The following IL15 variants were observed in gnomAD, a reference collection of about 807,000 sequenced individuals.
IL15 encodes the protein interleukin-15.
A neutral mutation model predicts 19.6 loss-of-function variants in IL15; 11 were observed. The observed-to-expected ratio is 0.56, with a 90% confidence interval of 0.35 to 0.93. The LOEUF is 0.93. IL15 is among the 40% of genes least tolerant of loss of function. The pLI is 0.01. For missense variants in IL15, 197 were observed against 186.5 expected, an observed-to-expected ratio of 1.06 and a Z score of -0.33; for synonymous variants, 58 against 59.6, an observed-to-expected ratio of 0.97 and a Z score of 0.12.
At chr4:141,643,876 A>G (rs538512815) in intron 1 of IL15, among the ~76,000 whole-genome samples, 1 of 151,694 alleles carries the variant, frequency 6.6e-6, no homozygotes, top group South Asian at 2.1e-4. Context: ...TTATTCAACC[A>G]TCTCTGATTG....
chr4:141,678,003 C>A (rs1356500962), intron 2 of IL15, among the ~76,000 whole-genome samples: 1 of 152,126 alleles, frequency 6.6e-6, no homozygotes, highest in Non-Finnish European at 1.5e-5. Flanking sequence ...TGTCTCTATA[C>A]CACATTCATC....
At chr4:141,710,167 A>G (rs994503435) in intron 2 of IL15, among the ~76,000 whole-genome samples, 7 of 152,334 alleles carry the variant, frequency 4.6e-5, no homozygotes, top group Admixed American at 1.3e-4. Flanking sequence ...ATGTGGAATT[A>G]CTGCAGGGCC....
intron 2 of IL15, among the ~76,000 whole-genome samples, chr4:141,681,332 G>T (rs1728525702): frequency 2.0e-5 from 3 of 150,414 alleles, no homozygotes; most frequent in Non-Finnish European, 4.4e-5. Context: ...AAGGGTAATA[G>T]AAGTCATAGT....
intron 2 of IL15, among the ~76,000 whole-genome samples, chr4:141,713,288 G>A (rs182647125): frequency 1.1e-3 from 175 of 152,198 alleles, no homozygotes; most frequent in Non-Finnish European, 2.0e-3. Context: ...GATCTGTAGC[G>A]GTCAAAAGCT....
intron 2 of IL15, among the ~76,000 whole-genome samples, chr4:141,696,271 C>T (rs554603111): frequency 2.0e-5 from 3 of 152,088 alleles, no homozygotes; most frequent in African/African-American, 4.8e-5. Context: ...GGGTTTTCTA[C>T]GCTGTTAAAT....
chr4:141,643,262 A>G (rs534186692), intron 1 of IL15, among the ~76,000 whole-genome samples: 1 of 152,206 alleles, frequency 6.6e-6, no homozygotes, highest in African/African-American at 2.4e-5. Context: ...TAGCCATGCT[A>G]TAACTTCTGC....
intron 4 of IL15, chr4:141,720,843 T>C (rs1409040627): frequency 1.8e-6 from 1 of 544,614 alleles, no homozygotes; most frequent in South Asian, 2.4e-5. Context: ...ATACCACTTA[T>C]TGATAGACTA....
intron 2 of IL15, among the ~76,000 whole-genome samples, chr4:141,677,826 C>CAATCATGTAACATGTAACATGTAA (rs1728397403): frequency 6.6e-6 from 1 of 152,146 alleles, no homozygotes; most frequent in African/African-American, 2.4e-5. Flanking sequence ...GTTAACTATG[C>CAATCATGTAACATGTAACATGTAA]CATGTAACAT....
At chr4:141,710,817 T>C (rs1729692967) in intron 2 of IL15, among the ~76,000 whole-genome samples, 1 of 152,128 alleles carries the variant, frequency 6.6e-6, no homozygotes, top group Admixed American at 6.5e-5. Flanking sequence ...AAATTTTCTC[T>C]TGACTTTTTG....
intron 2 of IL15, among the ~76,000 whole-genome samples, chr4:141,664,838 G>A (rs1727916449): frequency 6.6e-6 from 1 of 151,952 alleles, no homozygotes; most frequent in African/African-American, 2.4e-5. Context: ...TTCTCATATT[G>A]TTTCATTTTT....
At chr4:141,723,411 G>C (rs936372896) in intron 5 of IL15, among the ~76,000 whole-genome samples, 4 of 152,146 alleles carry the variant, frequency 2.6e-5, no homozygotes, top group African/African-American at 9.7e-5. Flanking sequence ...GAAGACAGAG[G>C]AAGAGATCAG....
intron 1 of IL15, among the ~76,000 whole-genome samples, chr4:141,637,671 A>G (rs1726903809): frequency 6.6e-6 from 1 of 152,206 alleles, no homozygotes; most frequent in Non-Finnish European, 1.5e-5. Flanking sequence ...TCTAAACCAA[A>G]CTAATTCTTA....
chr4:141,680,711 C>A (rs1289008450), intron 2 of IL15, among the ~76,000 whole-genome samples: 1 of 152,196 alleles, frequency 6.6e-6, no homozygotes, highest in Admixed American at 6.5e-5. Context: ...ATCTCTCCCA[C>A]CAGCCTCCCT....
chr4:141,658,952 C>G (rs1307091708), intron 2 of IL15, among the ~76,000 whole-genome samples: 1 of 150,726 alleles, frequency 6.6e-6, no homozygotes, highest in East Asian at 2.0e-4. Context: ...CTCCGCCTCC[C>G]GGGTTCAAGC....
chr4:141,644,616 T>C (rs1727158701), intron 1 of IL15, among the ~76,000 whole-genome samples: 1 of 152,154 alleles, frequency 6.6e-6, no homozygotes, highest in Non-Finnish European at 1.5e-5. Context: ...CGTTATGGCA[T>C]CAAACTCAGA....
At chr4:141,731,624 C>A (rs139216302) in intron 7 of IL15, among the ~76,000 whole-genome samples, 1 of 152,042 alleles carries the variant, frequency 6.6e-6, no homozygotes, top group East Asian at 1.9e-4. Flanking sequence ...GTCAGAAGAC[C>A]TGGATGGGAA....
At chr4:141,667,224 T>C (rs962138753) in intron 2 of IL15, among the ~76,000 whole-genome samples, 1 of 152,222 alleles carries the variant, frequency 6.6e-6, no homozygotes, top group Non-Finnish European at 1.5e-5. Context: ...CTCTGAATTA[T>C]GTGAGCCAGC....
chr4:141,707,979 GC>G (rs1729581115), intron 2 of IL15, among the ~76,000 whole-genome samples: 1 of 152,202 alleles, frequency 6.6e-6, no homozygotes, highest in Non-Finnish European at 1.5e-5. Flanking sequence ...TGTTGGAGAG[GC>G]AGAGCTGCTG....
At chr4:141,696,832 G>T (rs1027998987) in intron 2 of IL15, among the ~76,000 whole-genome samples, 1 of 151,680 alleles carries the variant, frequency 6.6e-6, no homozygotes. Flanking sequence ...ATTTATTTTT[G>T]TCCTTTGCCC....
Sources: gnomAD v4.1 joint callset for allele counts (sites outside exome capture counted in the v4.1 genomes callset) on GRCh38, gnomAD v4.1.1 for gene constraint, MANE v1.5 for transcripts, NCBI Gene and HGNC (gene_info 2026-07-23, HGNC 2026-07-21) for gene names.